LRFN2: variants seen among roughly 807,000 people sequenced by gnomAD.
The protein encoded by LRFN2 is leucine rich repeat and fibronectin type III domain containing 2, also known as leucine-rich repeat and fibronectin type-III domain-containing protein 2.
In LRFN2, 18 loss-of-function variants were observed where a neutral mutation model predicts 37.3. That is an observed-to-expected ratio of 0.48 (90% CI 0.33 to 0.72). LRFN2 has a LOEUF of 0.72. Among genes scored for constraint, LRFN2 ranks in the 30% least tolerant of loss-of-function variants. The pLI, the probability that LRFN2 is intolerant of heterozygous loss-of-function variation, is 0.02. For synonymous variants in LRFN2, 556 were observed against 466.6 expected, an observed-to-expected ratio of 1.19 and a Z score of -2.47; for missense variants, 1,006 against 1,060.7, an observed-to-expected ratio of 0.95 and a Z score of 0.72.
intron 1 of LRFN2, among the ~76,000 whole-genome samples, chr6:40,570,656 C>T (rs1170136856): frequency 6.6e-6 from 1 of 152,150 alleles, no homozygotes; most frequent in Admixed American, 6.5e-5. Context: ...TTAGTGAGAG[C>T]AGCAAGGGGC....
chr6:40,412,767 A>G (rs1011479051), intron 2 of LRFN2, among the ~76,000 whole-genome samples: 2 of 152,196 alleles, frequency 1.3e-5, no homozygotes, highest in Non-Finnish European at 2.9e-5. Flanking sequence ...GCCTTGTGGA[A>G]TTGACATTCT....
intron 2 of LRFN2, among the ~76,000 whole-genome samples, chr6:40,413,092 C>T (rs1763009221): frequency 6.6e-6 from 1 of 152,182 alleles, no homozygotes; most frequent in South Asian, 2.1e-4. Flanking sequence ...TGCACACTGA[C>T]CCCATGCCAC....
chr6:40,565,778 A>G (rs1767078893), intron 1 of LRFN2, among the ~76,000 whole-genome samples: 2 of 151,902 alleles, frequency 1.3e-5, no homozygotes, highest in African/African-American at 4.8e-5. Flanking sequence ...AAACCATAAA[A>G]ACCCTAGAAG....
At chr6:40,567,263 T>C (rs950662655) in intron 1 of LRFN2, among the ~76,000 whole-genome samples, 3 of 152,090 alleles carry the variant, frequency 2.0e-5, no homozygotes, top group African/African-American at 7.2e-5. Flanking sequence ...TGGATTCCAA[T>C]GAGGAAAGAA....
intron 1 of LRFN2, among the ~76,000 whole-genome samples, chr6:40,439,083 T>C (rs961531860): frequency 7.0e-4 from 107 of 151,972 alleles, no homozygotes; most frequent in Non-Finnish European, 1.1e-3. Flanking sequence ...GGGCTCTGCC[T>C]CCCAATCAGA....
intron 1 of LRFN2, among the ~76,000 whole-genome samples, chr6:40,483,976 C>T (rs939616876): frequency 4.6e-5 from 7 of 152,216 alleles, no homozygotes; most frequent in Admixed American, 2.0e-4. Context: ...GTCCCCTCTC[C>T]CTGCCAGGAG....
chr6:40,420,101 C>G (rs986581345), intron 2 of LRFN2, among the ~76,000 whole-genome samples: 2 of 152,220 alleles, frequency 1.3e-5, no homozygotes, highest in Admixed American at 6.5e-5. Flanking sequence ...GCCCCACAGC[C>G]GCAGAGCACA....
intron 1 of LRFN2, among the ~76,000 whole-genome samples, chr6:40,551,783 A>G (rs369470570): frequency 6.6e-6 from 1 of 152,224 alleles, no homozygotes; most frequent in East Asian, 1.9e-4. Flanking sequence ...AATTCACTGA[A>G]CATTCTTAAT....
intron 1 of LRFN2, among the ~76,000 whole-genome samples, chr6:40,526,305 G>A (rs1325365719): frequency 2.0e-5 from 3 of 152,162 alleles, no homozygotes; most frequent in East Asian, 1.9e-4. Context: ...GTGTGTATGC[G>A]TCACCATTCC....
intron 1 of LRFN2, among the ~76,000 whole-genome samples, chr6:40,447,998 G>T (rs10947890): frequency 1.9e-3 from 287 of 152,234 alleles, no homozygotes; most frequent in Non-Finnish European, 3.2e-3. Context: ...AAGAAAGAAT[G>T]GGGAGCATGC....
intron 1 of LRFN2, among the ~76,000 whole-genome samples, chr6:40,566,031 T>A (rs1357203845): frequency 1.3e-5 from 2 of 151,842 alleles, no homozygotes; most frequent in African/African-American, 4.8e-5. Context: ...ACTCAAAAAA[T>A]TTACAAGAAA....
chr6:40,421,639 A>G (rs1477747421), intron 2 of LRFN2, among the ~76,000 whole-genome samples: 2 of 152,190 alleles, frequency 1.3e-5, no homozygotes, highest in East Asian at 3.8e-4. Context: ...TATCAGACTT[A>G]AAGAGTCTGT....
chr6:40,561,554 C>G (rs1766994969), intron 1 of LRFN2, among the ~76,000 whole-genome samples: 1 of 152,180 alleles, frequency 6.6e-6, no homozygotes, highest in African/African-American at 2.4e-5. Flanking sequence ...GGGCTGGCTG[C>G]TGTGGATCTT....
chr6:40,577,788 AAAAT>A (rs143430760), intron 1 of LRFN2, among the ~76,000 whole-genome samples: 45 of 142,712 alleles, frequency 3.2e-4, no homozygotes, highest in East Asian at 1.0e-3. Flanking sequence ...AAAAAAGGAA[AAAAT>A]AAATAAATAA....
chr6:40,465,457 G>T (rs558097710), intron 1 of LRFN2, among the ~76,000 whole-genome samples: 1 of 152,244 alleles, frequency 6.6e-6, no homozygotes, highest in Non-Finnish European at 1.5e-5. Flanking sequence ...GCCCCATATT[G>T]GCTTCTTGCC....
chr6:40,470,734 C>G (rs1227302925), intron 1 of LRFN2, among the ~76,000 whole-genome samples: 1 of 152,232 alleles, frequency 6.6e-6, no homozygotes, highest in Non-Finnish European at 1.5e-5. Context: ...TTCAGCCCAC[C>G]TGGCTTCCCC....
At chr6:40,441,359 C>T (rs1223476334) in intron 1 of LRFN2, among the ~76,000 whole-genome samples, 4 of 152,046 alleles carry the variant, frequency 2.6e-5, no homozygotes, top group African/African-American at 7.2e-5. Context: ...CAACAGTGGG[C>T]GTGTGTGACA....
At position 40,444,042 on chromosome 6, in the gene LRFN2, A is replaced by G. The variant is rs146194257; in HGVS notation, c.-18-10911T>C. Among the ~76,000 whole-genome samples, 1,329 of 152,234 alleles carry G rather than the reference A, an allele frequency of 8.7e-3. 25 individuals carry two copies. Among genetic ancestry groups the G allele is most frequent in the African/African-American group, 0.03 (1,265 of 41,554 alleles). On this transcript the variant is annotated intron_variant, in intron 1 of 2. Coordinates refer to ENST00000338305, the MANE Select transcript of LRFN2 (RefSeq NM_020737.3). ...TCTCACCACTTGCTGATGCCCCCCA[A>G]TGGCCAAACCTAACTAGAGGCCAAG... is the stretch of plus-strand genomic sequence containing the variant.
intron 2 of LRFN2, among the ~76,000 whole-genome samples, chr6:40,408,264 C>T (rs756662218): frequency 9.2e-5 from 14 of 152,084 alleles, no homozygotes; most frequent in South Asian, 2.1e-4. Flanking sequence ...CAAAAAATAT[C>T]GCAAAGCCAA....
Sources: allele counts gnomAD v4.1 joint callset (sites outside exome capture counted in the v4.1 genomes callset), GRCh38; gene constraint gnomAD v4.1.1; transcripts MANE v1.5; gene names NCBI Gene and HGNC (gene_info 2026-07-23, HGNC 2026-07-21).